Variants in ADH5 observed in about 807,000 individuals in gnomAD.
ADH5 encodes the protein alcohol dehydrogenase 5 (class III), chi polypeptide, also known as alcohol dehydrogenase class-3.
A neutral mutation model predicts 40.3 loss-of-function variants in ADH5; 32 were observed. The observed-to-expected ratio is 0.79, with a 90% CI of 0.60 to 1.07. ADH5 has a LOEUF of 1.07. Ranked by LOEUF, ADH5 falls within the 50% of genes least tolerant of loss-of-function variation. ADH5 has a pLI of 0.00. For synonymous variants in ADH5, 125 were observed against 154.3 expected, an observed-to-expected ratio of 0.81 and a Z score of 1.41; for missense variants, 353 against 460.5, an observed-to-expected ratio of 0.77 and a Z score of 2.14.
At chr4:99,081,761 T>G in intron 3 of ADH5, 1 of 629,532 alleles carries the variant, frequency 1.6e-6, no homozygotes, top group Non-Finnish European at 2.6e-6. Flanking sequence ...TTTGGAAATG[T>G]ACTTAGAAAA....
chr4:99,080,126 C>CAA, intron 4 of ADH5: 1 of 332,494 alleles, frequency 3.0e-6, no homozygotes, highest in Non-Finnish European at 5.8e-6. Context: ...AACACTGCTT[C>CAA]AAAGCAAGTT....
intron 4 of ADH5, among the ~76,000 whole-genome samples, chr4:99,079,653 A>C (rs1727990848): frequency 6.6e-6 from 1 of 152,162 alleles, no homozygotes; most frequent in African/African-American, 2.4e-5. Context: ...TTAAAAAAAA[A>C]AACGGAACAC....
intron 4 of ADH5, among the ~76,000 whole-genome samples, chr4:99,078,503 G>A (rs753456504): frequency 5.3e-5 from 8 of 152,052 alleles, no homozygotes; most frequent in Non-Finnish European, 8.8e-5. Flanking sequence ...TCCAGGGCTC[G>A]TGATCCTCCC....
intron 4 of ADH5, among the ~76,000 whole-genome samples, chr4:99,078,200 C>T (rs1727963848): frequency 6.6e-6 from 1 of 152,126 alleles, no homozygotes; most frequent in Non-Finnish European, 1.5e-5. Flanking sequence ...GCTGGTACTA[C>T]AGGGGCATAG....
At chr4:99,086,795 C>A (rs915122087) in intron 1 of ADH5, among the ~76,000 whole-genome samples, 1 of 148,070 alleles carries the variant, frequency 6.8e-6, no homozygotes, top group African/African-American at 2.6e-5. Context: ...AAAAAATTAG[C>A]CAGGGGAGGT....
intron 4 of ADH5, among the ~76,000 whole-genome samples, chr4:99,079,073 G>GC (rs1342395694): frequency 6.6e-6 from 1 of 152,210 alleles, no homozygotes; most frequent in African/African-American, 2.4e-5. Context: ...CAATGCTGGT[G>GC]CAAGTGTAAA....
chr4:99,077,609 T>A (rs188582531), intron 4 of ADH5, among the ~76,000 whole-genome samples: 11 of 152,202 alleles, frequency 7.2e-5, no homozygotes, highest in Non-Finnish European at 1.6e-4. Flanking sequence ...GATCAACTAA[T>A]GAAAACAGAT....
chr4:99,073,668 A>AT (rs752527007), intron 7 of ADH5, among the ~76,000 whole-genome samples: 1 of 151,978 alleles, frequency 6.6e-6, no homozygotes, highest in Non-Finnish European at 1.5e-5. Flanking sequence ...AATGGTAGGG[A>AT]TTTTTTCTTT....
At chr4:99,073,777 A>G (rs1727873646) in intron 7 of ADH5, among the ~76,000 whole-genome samples, 1 of 152,206 alleles carries the variant, frequency 6.6e-6, no homozygotes, top group Admixed American at 6.5e-5. Flanking sequence ...AGGGGCCTCA[A>G]TGATACAATG....
intron 4 of ADH5, among the ~76,000 whole-genome samples, chr4:99,078,443 C>T (rs1053861411): frequency 6.6e-6 from 1 of 152,096 alleles, no homozygotes; most frequent in East Asian, 1.9e-4. Context: ...TTTACTCGGT[C>T]GCCCAGGTTG....
At chr4:99,083,832 GAGT>G (rs1281712852) in intron 2 of ADH5, among the ~76,000 whole-genome samples, 1 of 152,066 alleles carries the variant, frequency 6.6e-6, no homozygotes, top group African/African-American at 2.4e-5. Flanking sequence ...AACAAGTAGA[GAGT>G]AGTAGAATGC....
At chr4:99,083,808 T>G (rs939174386) in intron 2 of ADH5, among the ~76,000 whole-genome samples, 4 of 152,072 alleles carry the variant, frequency 2.6e-5, no homozygotes, top group Non-Finnish European at 5.9e-5. Context: ...TCTAAAGCAC[T>G]AATTTTATAT....
chr4:99,080,263 G>C (rs985244924), intron 4 of ADH5, among the ~76,000 whole-genome samples: 10 of 152,202 alleles, frequency 6.6e-5, no homozygotes, highest in Non-Finnish European at 1.5e-5. Context: ...CAAAAGCAGA[G>C]ATTTGTTCAA....
chr4:99,079,362 A>G (rs1380496711), intron 4 of ADH5, among the ~76,000 whole-genome samples: 1 of 39,132 alleles, frequency 2.6e-5, no homozygotes, highest in African/African-American at 3.4e-4. Flanking sequence ...TCTCACAGAC[A>G]TTATGAAAAA....
chr4:99,074,403 T>G (rs1256561760), intron 7 of ADH5, among the ~76,000 whole-genome samples: 1 of 152,194 alleles, frequency 6.6e-6, no homozygotes, highest in African/African-American at 2.4e-5. Flanking sequence ...GTCTAGCAGC[T>G]TTTTGATTTT....
At chr4:99,074,418 T>C (rs189998524) in intron 7 of ADH5, among the ~76,000 whole-genome samples, 8 of 152,316 alleles carry the variant, frequency 5.3e-5, no homozygotes, top group Admixed American at 3.9e-4. Flanking sequence ...GATTTTATGA[T>C]AAGGCTTTGT....
intron 6 of ADH5, 97 bp from the exon 7 acceptor site, chr4:99,075,146 A>G: frequency 8.6e-7 from 1 of 1,159,860 alleles, no homozygotes. Context: ...GTTTTTAAAG[A>G]TAATGGCAAC....
chr4:99,079,101 G>C (rs1320365236), intron 4 of ADH5, among the ~76,000 whole-genome samples: 1 of 152,204 alleles, frequency 6.6e-6, no homozygotes, highest in Non-Finnish European at 1.5e-5. Context: ...AAGTACACGA[G>C]AGAGCTGTAG....
chr4:99,081,855 T>C, intron 3 of ADH5, 120 bp downstream of exon 3: 2 of 1,007,982 alleles, frequency 2.0e-6, no homozygotes, highest in African/African-American at 1.6e-5. Context: ...ATCAACTTAA[T>C]CTTGACAATC....
Sources: allele counts gnomAD v4.1 joint callset (sites outside exome capture counted in the v4.1 genomes callset), GRCh38; gene constraint gnomAD v4.1.1; transcripts MANE v1.5; gene names NCBI Gene and HGNC (gene_info 2026-07-23, HGNC 2026-07-21).